Variants in STX18 observed in about 807,000 individuals in gnomAD.
The protein encoded by STX18 is syntaxin-18.
A neutral mutation model predicts 50.1 loss-of-function variants in STX18; 40 were observed. The ratio of observed to expected loss-of-function variants is 0.80; its 90% CI spans 0.62 to 1.04. The LOEUF (loss-of-function observed/expected upper bound fraction) is 1.04. STX18 is among the 50% of genes least tolerant of loss of function. The probability of loss-of-function intolerance (pLI) is 0.00; values close to 1 mark genes in which losing one functional copy is unlikely to be tolerated. For missense variants in STX18, 410 were observed against 415.8 expected (o/e 0.99, Z 0.12); for synonymous variants, 158 against 151.8 (o/e 1.04, Z -0.30).
At chr4:4,500,609 C>T (rs1263770335) in intron 1 of STX18, among the ~76,000 whole-genome samples, 1 of 152,324 alleles carries the variant, frequency 6.6e-6, no homozygotes, top group Non-Finnish European at 1.5e-5. Context: ...CCATATAGCC[C>T]TCATATAAGT....
intron 1 of STX18, among the ~76,000 whole-genome samples, chr4:4,497,827 C>T (rs1349357693): frequency 1.3e-5 from 2 of 152,154 alleles, no homozygotes; most frequent in African/African-American, 4.8e-5. Flanking sequence ...GTCCTATTTT[C>T]CTGAGATATA....
intron 5 of STX18, among the ~76,000 whole-genome samples, chr4:4,442,008 A>G (rs1726132860): frequency 6.6e-6 from 1 of 152,218 alleles, no homozygotes; most frequent in Non-Finnish European, 1.5e-5. Context: ...CAATTCTGCC[A>G]TATGTTTGAA....
chr4:4,511,966 T>C (rs1409467608), intron 1 of STX18, among the ~76,000 whole-genome samples: 2 of 152,124 alleles, frequency 1.3e-5, no homozygotes, highest in Non-Finnish European at 2.9e-5. Flanking sequence ...GGGAGAGCTG[T>C]ACATTGTAGA....
chr4:4,502,934 C>T (rs761145369), intron 1 of STX18, among the ~76,000 whole-genome samples: 5 of 152,120 alleles, frequency 3.3e-5, no homozygotes, highest in African/African-American at 4.8e-5. Flanking sequence ...TGCGCTGTCC[C>T]GGATATAAAA....
chr4:4,453,601 G>T (rs1344192165), intron 5 of STX18: 1 of 840,278 alleles, frequency 1.2e-6, no homozygotes, highest in African/African-American at 1.8e-5. Context: ...TATTCACTTT[G>T]TTGCTGTCTG....
chr4:4,511,920 A>G (rs766581284), intron 1 of STX18, among the ~76,000 whole-genome samples: 4 of 152,118 alleles, frequency 2.6e-5, no homozygotes, highest in Non-Finnish European at 4.4e-5. Flanking sequence ...TGGGCTGGAT[A>G]ATACTTTGTC....
intron 1 of STX18, among the ~76,000 whole-genome samples, chr4:4,491,171 T>C (rs1728925650): frequency 6.6e-6 from 1 of 151,692 alleles, no homozygotes; most frequent in Admixed American, 6.6e-5. Flanking sequence ...TCTCAAAATA[T>C]AAACTCATTT....
Position 4,541,782 on chromosome 4 carries a change from T to G in STX18, c.168+15A>C. On this transcript the variant is annotated intron_variant, in intron 1 of 10. Coordinates refer to ENST00000306200, the MANE Select transcript of STX18 (RefSeq NM_016930.4). ...CCCCCTCCTCAACCCGCCGTTTCCA[T>G]AGCAACCAGCTCACCACTTCGCGGG... 6.2e-7 allele frequency: 1 copy of G among 1,600,080 alleles called. No homozygotes were observed. Among genetic ancestry groups the G allele is most frequent in the Non-Finnish European group, 8.5e-7 (1 of 1,172,626 alleles).
intron 2 of STX18, among the ~76,000 whole-genome samples, chr4:4,470,221 T>C (rs1727843779): frequency 6.6e-6 from 1 of 152,186 alleles, no homozygotes; most frequent in Admixed American, 6.5e-5. Context: ...ACCTCCTCAG[T>C]TTTGGGCCGG....
chr4:4,425,049 C>G, intron 8 of STX18, 115 bp downstream of exon 8: 1 of 925,814 alleles, frequency 1.1e-6, no homozygotes, highest in Non-Finnish European at 1.7e-6. Flanking sequence ...CTGAGGGGGG[C>G]TGCACCAGCC....
chr4:4,438,063 C>A (rs1299612569), intron 6 of STX18, among the ~76,000 whole-genome samples: 2 of 152,234 alleles, frequency 1.3e-5, no homozygotes, highest in Non-Finnish European at 2.9e-5. Flanking sequence ...ACATGCAGGG[C>A]ATGGCTGCCA....
At chr4:4,429,166 C>A (rs1403233521) in intron 7 of STX18, among the ~76,000 whole-genome samples, 1 of 152,194 alleles carries the variant, frequency 6.6e-6, no homozygotes, top group African/African-American at 2.4e-5. Context: ...CAGCAATACT[C>A]TCTCCATATG....
chr4:4,494,421 A>T (rs775204660), intron 1 of STX18, among the ~76,000 whole-genome samples: 1 of 152,102 alleles, frequency 6.6e-6, no homozygotes, highest in Non-Finnish European at 1.5e-5. Context: ...TTCATATCCA[A>T]GTCTCGGTGC....
intron 1 of STX18, among the ~76,000 whole-genome samples, chr4:4,525,147 T>A (rs1228265854): frequency 6.6e-6 from 1 of 152,128 alleles, no homozygotes; most frequent in Non-Finnish European, 1.5e-5. Flanking sequence ...AAGTAACCAA[T>A]GTTTCTTTTT....
At chr4:4,452,213 G>A (rs1315874700) in intron 5 of STX18, among the ~76,000 whole-genome samples, 1 of 152,216 alleles carries the variant, frequency 6.6e-6, no homozygotes, top group Non-Finnish European at 1.5e-5. Flanking sequence ...GAAGGCAGCA[G>A]AGGTTGGTTC....
intron 1 of STX18, among the ~76,000 whole-genome samples, chr4:4,473,185 GCTC>G (rs1193757153): frequency 2.0e-5 from 3 of 152,100 alleles, no homozygotes; most frequent in Non-Finnish European, 4.4e-5. Flanking sequence ...GGTTTCAAAA[GCTC>G]AGGACTGAGT....
At chr4:4,447,940 T>C (rs10009587) in intron 5 of STX18, among the ~76,000 whole-genome samples, 45,333 of 151,920 alleles carry the variant, frequency 0.3, 8,275 homozygotes, top group African/African-American at 0.52. Flanking sequence ...GAAAAGAGTA[T>C]ACTTGTACAA....
intron 1 of STX18, among the ~76,000 whole-genome samples, chr4:4,498,740 C>A (rs756276317): frequency 6.6e-6 from 1 of 152,066 alleles, no homozygotes; most frequent in African/African-American, 2.4e-5. Context: ...AAGCATAAAT[C>A]AAATAGCAAA....
intron 1 of STX18, among the ~76,000 whole-genome samples, chr4:4,493,734 C>T (rs894358335): frequency 1.3e-5 from 2 of 152,066 alleles, no homozygotes; most frequent in Admixed American, 1.3e-4. Flanking sequence ...TTAAAATAAG[C>T]GCAAAGCATA....
Sources: gnomAD v4.1 joint callset for allele counts (sites outside exome capture counted in the v4.1 genomes callset) on GRCh38, gnomAD v4.1.1 for gene constraint, MANE v1.5 for transcripts, NCBI Gene and HGNC (gene_info 2026-07-23, HGNC 2026-07-21) for gene names.